Variants in PCSK5 observed in about 807,000 individuals in gnomAD.
The protein encoded by PCSK5 is prohormone convertase 5.
Under a neutral mutation model 233.2 loss-of-function variants are expected in PCSK5, and 129 were observed. The ratio of observed to expected loss-of-function variants is 0.55; its 90% CI spans 0.48 to 0.64. The LOEUF (loss-of-function observed/expected upper bound fraction) is 0.64. Ranked by LOEUF, PCSK5 falls within the 30% of genes least tolerant of loss-of-function variation. The pLI is 0.00. For missense variants in PCSK5, 2,076 were observed against 2,430.1 expected, an observed-to-expected ratio of 0.85 and a Z score of 3.06; for synonymous variants, 825 against 879.2, an observed-to-expected ratio of 0.94 and a Z score of 1.09.
chr9:76,324,037 T>C (rs1829289391), intron 32 of PCSK5, among the ~76,000 whole-genome samples: 1 of 151,840 alleles, frequency 6.6e-6, no homozygotes, highest in African/African-American at 2.4e-5. Context: ...GCGATTTGCC[T>C]GCCTCAGGCT....
At position 76,197,787 on chromosome 9, in the gene PCSK5, T is replaced by C. The variant is rs1824760554; in HGVS notation, c.2626+8041T>C. 4.6e-5 allele frequency among the ~76,000 whole-genome samples: 7 copies of C among 152,322 alleles called. No individual in the cohort carries two copies. The South Asian group carries it at 1.5e-3, about 32-fold the overall frequency. ...TGTGACCTCACCCAGCCCAGGGCCC[T>C]GCGCCCAATATGTGTAGAAGACGGC... On this transcript the variant is annotated intron_variant, in intron 20 of 37. Coordinates refer to ENST00000674117, the MANE Select transcript of PCSK5 (RefSeq NM_001372043.1).
At position 76,318,176 on chromosome 9, in the gene PCSK5, C is replaced by T. The variant is rs899460264; in HGVS notation, c.3885-3246C>T. 3.2e-4 allele frequency among the ~76,000 whole-genome samples: 49 copies of T among 152,112 alleles called. 1 individual carries two copies. The highest frequency in any genetic ancestry group is 6.8e-3 in the Middle Eastern group (2 of 294). Reference sequence around the variant, plus strand: ...TTCATGTCTTTTGCAGGGACATGGACGAAGCTGGAAACCTTCATTCTCAGC... The same window carrying T: ...TTCATGTCTTTTGCAGGGACATGGATGAAGCTGGAAACCTTCATTCTCAGC... On this transcript the variant is annotated intron_variant, in intron 30 of 37. Transcript: ENST00000674117.
chr9:76,353,715 C>T (rs1830225534), intron 36 of PCSK5, among the ~76,000 whole-genome samples: 1 of 152,182 alleles, frequency 6.6e-6, no homozygotes, highest in African/African-American at 2.4e-5. Flanking sequence ...ACAGTGTGGG[C>T]CAGACAAAAC....
intron 9 of PCSK5, among the ~76,000 whole-genome samples, chr9:76,110,847 G>A (rs967702160): frequency 3.3e-5 from 5 of 152,142 alleles, no homozygotes; most frequent in Admixed American, 6.5e-5. Context: ...AGTGGCTCAC[G>A]CCTATAATCC....
At chr9:76,026,902 C>A in intron 4 of PCSK5, 59 bp from the exon 5 acceptor site, 1 of 1,125,852 alleles carries the variant, frequency 8.9e-7, no homozygotes. Context: ...GCCTGTGGGT[C>A]ATTGGCTAAT....
chr9:75,965,245 A>G (rs1328017949), intron 2 of PCSK5, among the ~76,000 whole-genome samples: 1 of 126,926 alleles, frequency 7.9e-6, no homozygotes, highest in Non-Finnish European at 1.7e-5. Context: ...CATCCTATAT[A>G]TGTGTATGTG....
intron 1 of PCSK5, among the ~76,000 whole-genome samples, chr9:75,926,458 G>A (rs986957936): frequency 6.6e-6 from 1 of 152,114 alleles, no homozygotes; most frequent in African/African-American, 2.4e-5. Context: ...CACTTAATAG[G>A]GTGCTGGGAA....
chr9:76,198,071 A>G (rs1182576862), intron 20 of PCSK5, among the ~76,000 whole-genome samples: 1 of 152,240 alleles, frequency 6.6e-6, no homozygotes, highest in Non-Finnish European at 1.5e-5. Context: ...TGAGCAATAA[A>G]GATGCAGTTA....
At chr9:75,982,829 T>C (rs1826337916) in intron 2 of PCSK5, among the ~76,000 whole-genome samples, 1 of 151,962 alleles carries the variant, frequency 6.6e-6, no homozygotes, top group Non-Finnish European at 1.5e-5. Context: ...ATCATCTTTT[T>C]GGTTTGTATT....
At chr9:76,290,165 A>C (rs1483379302) in intron 24 of PCSK5, among the ~76,000 whole-genome samples, 1 of 152,224 alleles carries the variant, frequency 6.6e-6, no homozygotes, top group Non-Finnish European at 1.5e-5. Flanking sequence ...GGTTATTTAG[A>C]AACTGAAAAG....
chr9:76,067,895 G>A lies in PCSK5; in HGVS notation c.633-60G>A, dbSNP rs539283493. ...CACCACTCTGAGTGGTGGCAGTGAC[G>A]CGTTGGCTTTGTGAGAATGGTGTGT... On this transcript the variant is annotated intron_variant, in intron 5 of 37. Transcript: ENST00000674117. 28 of 1,303,996 alleles carry A rather than the reference G, an allele frequency of 2.1e-5. 1 individual carries two copies. In the East Asian group the frequency reaches 3.5e-4, roughly 16 times the overall value. The allele number at this position is 1,303,996 out of a possible 1,614,324, so 80.8% of individuals were successfully genotyped here. A position where few individuals can be genotyped will look rare whatever the true frequency, so the allele number is the denominator to read the frequency against.
At chr9:76,151,261 C>T (rs950560218) in intron 10 of PCSK5, among the ~76,000 whole-genome samples, 1 of 152,184 alleles carries the variant, frequency 6.6e-6, no homozygotes, top group African/African-American at 2.4e-5. Flanking sequence ...GCTCTTTGAT[C>T]TCTGGTTCGG....
At position 76,057,408 on chromosome 9, in the gene PCSK5, A is replaced by C. The variant is rs528052728; in HGVS notation, c.633-10547A>C. On this transcript the variant is annotated intron_variant, in intron 5 of 37. Transcript: ENST00000674117. ...TGATATTTTTCTCGGGGTAGTGATC[A>C]TTGTCATCTGAAGAGAATGGGCTAG... is the stretch of plus-strand genomic sequence containing the variant. Among the ~76,000 whole-genome samples the C allele has an allele frequency of 3.8e-4, 58 of 152,332 alleles. No homozygotes were observed. In the South Asian group the frequency reaches 0.012, roughly 31 times the overall value.
intron 2 of PCSK5, among the ~76,000 whole-genome samples, chr9:75,974,743 A>G (rs1324199880): frequency 6.6e-6 from 1 of 152,186 alleles, no homozygotes; most frequent in Non-Finnish European, 1.5e-5. Context: ...TGGGGCCCAC[A>G]TTGCGGGTCT....
intron 10 of PCSK5, among the ~76,000 whole-genome samples, chr9:76,139,692 C>A (rs1823128185): frequency 6.6e-6 from 1 of 151,980 alleles, no homozygotes; most frequent in South Asian, 2.1e-4. Flanking sequence ...CAAACTCATA[C>A]CCATTTCATA....
Position 75,944,288 on chromosome 9 carries a change from A to G in PCSK5, c.297+11805A>G, listed in dbSNP as rs28424165. 8.6e-3 allele frequency among the ~76,000 whole-genome samples: 1,310 copies of G among 152,108 alleles called. 20 individuals carry two copies. The highest frequency in any genetic ancestry group is 0.028 in the African/African-American group (1,150 of 41,530). On this transcript the variant is annotated intron_variant, in intron 2 of 37. Coordinates refer to ENST00000674117, the MANE Select transcript of PCSK5 (RefSeq NM_001372043.1). Reference sequence around the variant, plus strand: ...AGATGTGTTCCCGTTTATGTTTTACATTTAAACAAAAAAGACCTGTGTGTA... The same window carrying G: ...AGATGTGTTCCCGTTTATGTTTTACGTTTAAACAAAAAAGACCTGTGTGTA...
chr9:76,300,765 C>G (rs1429304154), intron 27 of PCSK5, among the ~76,000 whole-genome samples: 1 of 152,174 alleles, frequency 6.6e-6, no homozygotes, highest in Middle Eastern at 3.2e-3. Flanking sequence ...TACTCATCCT[C>G]TCTGAGCCTG....
intron 7 of PCSK5, among the ~76,000 whole-genome samples, chr9:76,094,081 T>G (rs1329563651): frequency 1.3e-5 from 2 of 152,198 alleles, no homozygotes; most frequent in Non-Finnish European, 2.9e-5. Flanking sequence ...TCTCTATTCA[T>G]GAATATTTCC....
Position 76,189,134 on chromosome 9 carries a change from C to T in PCSK5, c.2421C>T (p.Tyr807=). 6.2e-7 allele frequency: 1 copy of T among 1,613,218 alleles called. No individual in the cohort carries two copies. Among genetic ancestry groups the T allele is most frequent in the Non-Finnish European group, 8.5e-7 (1 of 1,179,414 alleles). The change falls in exon 19 of 38, where the codon TAC becomes TAT. Residue 807 remains tyrosine (Y), a synonymous_variant. Coordinates refer to ENST00000674117, the MANE Select transcript of PCSK5 (RefSeq NM_001372043.1). ...ADGCINCTEG[Y]FMEDGRCVQS... ...GGTGCATTAACTGCACAGAGGGCTA[C>T]TTCATGGAGGATGGGAGATGCGTGC...
Sources: allele counts gnomAD v4.1 joint callset (sites outside exome capture counted in the v4.1 genomes callset), GRCh38; gene constraint gnomAD v4.1.1; transcripts MANE v1.5; gene names NCBI Gene and HGNC (gene_info 2026-07-23, HGNC 2026-07-21).